HLF: variants seen among roughly 807,000 people sequenced by gnomAD.
HLF encodes HLF transcription factor, PAR bZIP family member.
Under a neutral mutation model 22.6 loss-of-function variants are expected in HLF, and 3 were observed. That is an observed-to-expected ratio of 0.13 (90% CI 0.06 to 0.34). The LOEUF (loss-of-function observed/expected upper bound fraction) is 0.34. HLF is among the 10% of genes least tolerant of loss of function. HLF has a pLI of 1.00. For missense variants in HLF, 299 were observed against 389.2 expected, an observed-to-expected ratio of 0.77 and a Z score of 1.95; for synonymous variants, 151 against 151.8, an observed-to-expected ratio of 0.99 and a Z score of 0.04.
rs572336696 is a variant in HLF at position 55,311,113 on chromosome 17, A to C, written c.452-4114A>C. Reference sequence around the variant, plus strand: ...AAAACGGTAACTTTAAATATAACTTAACTAATGTATTCTGAAGTTTACCTA... The same window carrying C: ...AAAACGGTAACTTTAAATATAACTTCACTAATGTATTCTGAAGTTTACCTA... On this transcript the variant is annotated intron_variant, in intron 2 of 3. Coordinates refer to ENST00000226067, the MANE Select transcript of HLF (RefSeq NM_002126.5). 5.9e-5 allele frequency among the ~76,000 whole-genome samples: 9 copies of C among 152,330 alleles called. No homozygotes were observed. In the East Asian group the frequency reaches 7.7e-4, roughly 13 times the overall value.
chr17:55,304,959 C>T (rs1175159153), intron 2 of HLF, among the ~76,000 whole-genome samples: 1 of 152,212 alleles, frequency 6.6e-6, no homozygotes, highest in African/African-American at 2.4e-5. Flanking sequence ...GCAGGACAGG[C>T]CCAAGGAAAG....
intron 2 of HLF, chr17:55,272,404 A>T (rs1307883356): frequency 6.6e-6 from 1 of 152,180 alleles, no homozygotes; most frequent in Non-Finnish European, 1.5e-5. Context: ...TTTTTCTTTG[A>T]ATAGCTGGGG....
At position 55,267,969 on chromosome 17, in the gene HLF, G is replaced by C; in HGVS notation, c.334G>C (p.Gly112Arg). Reference protein sequence around the residue: ...SQHDHSPHPPGLQPASSAAPS... With the variant: ...SQHDHSPHPPRLQPASSAAPS... ...GCATGACCACAGCCCTCACCCTCCT[G>C]GGCTGCAGCCAGCTTCCTCGGCTGC... The change falls in exon 2 of 4, where the codon GGG becomes CGG. Residue 112 changes from glycine (G) to arginine (R), a missense_variant. Transcript: ENST00000226067. The C allele has an allele frequency of 1.2e-6, 2 of 1,614,026 alleles. No homozygotes were observed. Among genetic ancestry groups the C allele is most frequent in the South Asian group, 2.2e-5 (2 of 91,060 alleles).
In HLF at chr17:55,323,766, G is replaced by A. The variant is rs1393444484; in HGVS notation, c.*2887G>A. ...GACTCTGAGTGATTTGGGTCAACCG[G>A]AGTCAGACGCATGTCTGCACGCTGC... On this transcript the variant is annotated 3_prime_UTR_variant, in exon 4 of 4. Transcript: ENST00000226067. 1 of 231,010 alleles carries A rather than the reference G, an allele frequency of 4.3e-6. No homozygotes were observed. The highest frequency in any genetic ancestry group is 8.6e-6 in the Non-Finnish European group (1 of 116,470). The allele number at this position is 231,010 out of a possible 1,614,324, so 14.3% of individuals were successfully genotyped here.
At chr17:55,275,979 G>A (rs774010932) in intron 2 of HLF, among the ~76,000 whole-genome samples, 19 of 152,052 alleles carry the variant, frequency 1.2e-4, no homozygotes, top group Non-Finnish European at 2.2e-4. Flanking sequence ...ATGGTGGCAC[G>A]TGCCTGTAGT....
intron 2 of HLF, among the ~76,000 whole-genome samples, chr17:55,310,483 A>C (rs140496296): frequency 6.6e-6 from 1 of 152,048 alleles, no homozygotes; most frequent in African/African-American, 2.4e-5. Context: ...TACTTTGTCA[A>C]GTTGTATCTA....
intron 2 of HLF, among the ~76,000 whole-genome samples, chr17:55,288,528 C>T (rs112909828): frequency 0.025 from 3,816 of 152,092 alleles, 68 homozygotes; most frequent in African/African-American, 0.05. Flanking sequence ...TTTGGGAGGC[C>T]AAGGCAGGTG....
chr17:55,281,249 C>T (rs890273982), intron 2 of HLF, among the ~76,000 whole-genome samples: 1 of 152,204 alleles, frequency 6.6e-6, no homozygotes, highest in Non-Finnish European at 1.5e-5. Context: ...CGCAGTGGCT[C>T]ATGCCTGTAA....
intron 2 of HLF, among the ~76,000 whole-genome samples, chr17:55,270,353 C>G (rs1158947893): frequency 6.6e-6 from 1 of 152,200 alleles, no homozygotes; most frequent in Non-Finnish European, 1.5e-5. Context: ...AAATACCAAA[C>G]TCAGGTAAAA....
At chr17:55,272,132 C>G (rs2080864332) in intron 2 of HLF, 1 of 152,186 alleles carries the variant, frequency 6.6e-6, no homozygotes, top group African/African-American at 2.4e-5. Flanking sequence ...GTTCCTAGGC[C>G]AGCAGAGATG....
chr17:55,270,836 G>T (rs1045016039), intron 2 of HLF, among the ~76,000 whole-genome samples: 1 of 151,952 alleles, frequency 6.6e-6, no homozygotes, highest in Non-Finnish European at 1.5e-5. Flanking sequence ...TAGAGACGGG[G>T]TTTCACCGTT....
chr17:55,288,956 C>T lies in HLF; in HGVS notation c.451+20870C>T, dbSNP rs550495698. 3 of 985,022 alleles carry T rather than the reference C, an allele frequency of 3.0e-6. No homozygotes were observed. The South Asian group carries it at 1.4e-4, about 46-fold the overall frequency. The allele number at this position is 985,022 out of a possible 1,614,324, so 61.0% of individuals were successfully genotyped here. A position where few individuals can be genotyped will look rare whatever the true frequency, so the allele number is the denominator to read the frequency against. ...GTAAGAGTTCTTAAAACTCATCCCA[C>T]AGGTTCTTAATTGGGATTTTTAACT... is the stretch of plus-strand genomic sequence containing the variant. On this transcript the variant is annotated intron_variant, in intron 2 of 3. Coordinates refer to ENST00000226067, the MANE Select transcript of HLF (RefSeq NM_002126.5).
chr17:55,295,980 T>C lies in HLF; in HGVS notation c.452-19247T>C, dbSNP rs2081108583. Reference sequence around the variant, plus strand: ...AAAAAATGCATATGGCATCTGTGTGTCTAAAATGCCCTTGATAGAAGCAGT... The same window carrying C: ...AAAAAATGCATATGGCATCTGTGTGCCTAAAATGCCCTTGATAGAAGCAGT... On this transcript the variant is annotated intron_variant, in intron 2 of 3. Coordinates refer to ENST00000226067, the MANE Select transcript of HLF (RefSeq NM_002126.5). 2.0e-5 allele frequency among the ~76,000 whole-genome samples: 3 copies of C among 152,216 alleles called. No homozygotes were observed. In the South Asian group the frequency reaches 6.2e-4, roughly 32 times the overall value.
At chr17:55,273,564 C>A (rs2080877015) in intron 2 of HLF, 1 of 152,194 alleles carries the variant, frequency 6.6e-6, no homozygotes, top group Non-Finnish European at 1.5e-5. Context: ...CTGATGTTAA[C>A]CCCGCAGCAT....
At chr17:55,302,660 C>T (rs1452112341) in intron 2 of HLF, among the ~76,000 whole-genome samples, 4 of 152,074 alleles carry the variant, frequency 2.6e-5, no homozygotes, top group African/African-American at 9.7e-5. Context: ...TAATGTAGCC[C>T]AAAGGAGAAT....
Position 55,267,715 on chromosome 17 carries a change from C to CT in HLF, c.116-27dup, listed in dbSNP as rs762403571. 615 of 1,400,850 alleles carry CT rather than the reference C, an allele frequency of 4.4e-4. 1 individual carries two copies. Among genetic ancestry groups the CT allele is most frequent in the Non-Finnish European group, 5.1e-4 (523 of 1,030,916 alleles). 86.8% of individuals were successfully genotyped at this position (1,400,850 alleles called of 1,614,324 possible). A position where few individuals can be genotyped will look rare whatever the true frequency, so the allele number is the denominator to read the frequency against. On this transcript the variant is annotated intron_variant, in intron 1 of 3. Transcript: ENST00000226067. ...GAGCGGTATTGTTTTTCTTTTCTTTCTTTTTTTTTAAGTCCAGCTTTCCCT... is the reference window on the plus strand; with the variant it reads ...GAGCGGTATTGTTTTTCTTTTCTTTCTTTTTTTTTTAAGTCCAGCTTTCCCT...
intron 2 of HLF, among the ~76,000 whole-genome samples, chr17:55,307,830 TA>T (rs11383235): frequency 0.19 from 26,278 of 136,028 alleles, 2,694 homozygotes; most frequent in East Asian, 0.38. Flanking sequence ...ATAAATATTG[TA>T]AAAAAAAAAA....
chr17:55,271,319 A>C (rs1417170264), intron 2 of HLF, among the ~76,000 whole-genome samples: 1 of 152,216 alleles, frequency 6.6e-6, no homozygotes, highest in Non-Finnish European at 1.5e-5. Flanking sequence ...TCAGGAGATA[A>C]TTGCAGAGTA....
At position 55,287,030 on chromosome 17, in the gene HLF, A is replaced by G. The variant is rs115726992; in HGVS notation, c.451+18944A>G. On this transcript the variant is annotated intron_variant, in intron 2 of 3. Transcript: ENST00000226067. ...AACCTGCTGGTAATTAACTTTAAAA[A>G]TAATGCCAAGTTCTCACGTGGCTGG... Among the ~76,000 whole-genome samples, 692 of 152,322 alleles carry G rather than the reference A, an allele frequency of 4.5e-3. 2 individuals are homozygous for G. Among genetic ancestry groups the G allele is most frequent in the African/African-American group, 0.016 (658 of 41,576 alleles).
Sources: allele counts gnomAD v4.1 joint callset (sites outside exome capture counted in the v4.1 genomes callset), GRCh38; gene constraint gnomAD v4.1.1; transcripts MANE v1.5; gene names NCBI Gene and HGNC (gene_info 2026-07-23, HGNC 2026-07-21).